BCAS3: variants seen among roughly 807,000 people sequenced by gnomAD.
The protein encoded by BCAS3 is BCAS4/BCAS3 fusion.
BCAS3 carries 53 observed loss-of-function variants against 116.1 expected under a neutral mutation model. The ratio of observed to expected loss-of-function variants is 0.46; its 90% CI spans 0.37 to 0.57. The LOEUF (loss-of-function observed/expected upper bound fraction) is 0.57. Ranked by LOEUF, BCAS3 falls within the 20% of genes least tolerant of loss-of-function variation. BCAS3 has a pLI of 0.00. For synonymous variants in BCAS3, 391 were observed against 408.2 expected, an observed-to-expected ratio of 0.96 and a Z score of 0.51; for missense variants, 917 against 1,165.4, an observed-to-expected ratio of 0.79 and a Z score of 3.10.
chr17:60,781,158 T>TG (rs1392889236), intron 6 of BCAS3, among the ~76,000 whole-genome samples: 2 of 151,406 alleles, frequency 1.3e-5, no homozygotes, highest in African/African-American at 2.4e-5. Flanking sequence ...TTAGTAGAGA[T>TG]GGGGTCTCAC....
Position 61,004,895 on chromosome 17 carries a change from T to C in BCAS3, c.1487-10856T>C, listed in dbSNP as rs1809968068. 6.6e-6 allele frequency among the ~76,000 whole-genome samples: 1 copy of C among 152,160 alleles called. No homozygotes were observed. The highest frequency in any genetic ancestry group is 2.4e-5 in the African/African-American group (1 of 41,450). ...TTTCTGTGTTAAGAGCCATCTCTAG[T>C]AAGGAATGCTTAATTAATGTTCAAT... On this transcript the variant is annotated intron_variant, in intron 15 of 23. Coordinates refer to ENST00000407086, the MANE Select transcript of BCAS3 (RefSeq NM_017679.5). This position sits in a 1 kb window ranked among gnomAD's most constrained non-coding sequence, Gnocchi z 4.8.
intron 14 of BCAS3, among the ~76,000 whole-genome samples, chr17:60,980,266 T>A (rs59098430): frequency 6.6e-6 from 1 of 152,078 alleles, no homozygotes; most frequent in Non-Finnish European, 1.5e-5. Context: ...GAAATTTGAG[T>A]GTTTCAGTTT....
At chr17:60,888,389 G>C (rs1452629683) in intron 9 of BCAS3, among the ~76,000 whole-genome samples, 1 of 151,964 alleles carries the variant, frequency 6.6e-6, no homozygotes, top group Non-Finnish European at 1.5e-5. Context: ...CAAGTACTTG[G>C]TTCTATTTTT....
In BCAS3 at chr17:61,188,670, A is replaced by C. The variant is rs778939627; in HGVS notation, c.2425+104106A>C. ...AAGTACAAGCGAGGAGAGGTCCTTC[A>C]GGCAACTGCTCAGAGTGCTGTGTCG... is the stretch of plus-strand genomic sequence containing the variant. On this transcript the variant is annotated intron_variant, in intron 22 of 23. Coordinates refer to ENST00000407086, the MANE Select transcript of BCAS3 (RefSeq NM_017679.5). This position sits in a 1 kb window ranked among gnomAD's most constrained non-coding sequence, Gnocchi z 4.0. Among the ~76,000 whole-genome samples, 8 of 152,244 alleles carry C rather than the reference A, an allele frequency of 5.3e-5. No individual in the cohort carries two copies. The highest frequency in any genetic ancestry group is 1.0e-4 in the Non-Finnish European group (7 of 68,046).
chr17:60,712,765 T>C (rs2038090011), intron 5 of BCAS3, among the ~76,000 whole-genome samples: 1 of 152,140 alleles, frequency 6.6e-6, no homozygotes, highest in African/African-American at 2.4e-5. Flanking sequence ...CCACATAAAA[T>C]ATGAGACTCA....
At position 61,082,052 on chromosome 17, in the gene BCAS3, A is replaced by G. The variant is rs1310890444; in HGVS notation, c.2328-2415A>G. 1.3e-5 allele frequency among the ~76,000 whole-genome samples: 2 copies of G among 152,110 alleles called. No individual in the cohort carries two copies. The highest frequency in any genetic ancestry group is 1.5e-5 in the Non-Finnish European group (1 of 68,014). ...GCAGGCATAGTGTTGACTCTCATCC[A>G]TAAGGGAATCAGGCAAGCTCCCTAC... On this transcript the variant is annotated intron_variant, in intron 21 of 23. Transcript: ENST00000407086. This position sits in a 1 kb window ranked among gnomAD's most constrained non-coding sequence, Gnocchi z 5.1.
In BCAS3 at chr17:60,720,179, C is replaced by T. The variant is rs952288824; in HGVS notation, c.321+10854C>T. ...TTTGAGACATAGTCTTGCTCTGTCA[C>T]CCAGGCTGGAGTGCAGTGGTGCAAT... On this transcript the variant is annotated intron_variant, in intron 5 of 23. Transcript: ENST00000407086. 1.1e-4 allele frequency: 17 copies of T among 152,172 alleles called. 1 individual carries two copies. Among genetic ancestry groups the T allele is most frequent in the African/African-American group, 3.6e-4 (15 of 41,418 alleles). The allele number at this position is 152,172 out of a possible 1,614,324, so 9.4% of individuals were successfully genotyped here.
chr17:61,329,843 C>T (rs1286251954), intron 22 of BCAS3, among the ~76,000 whole-genome samples: 1 of 152,076 alleles, frequency 6.6e-6, no homozygotes, highest in East Asian at 1.9e-4. Context: ...CCATGAAGAC[C>T]GCAAGACGCC....
chr17:61,155,770 A>G (rs1294456203), intron 22 of BCAS3, among the ~76,000 whole-genome samples: 1 of 152,240 alleles, frequency 6.6e-6, no homozygotes, highest in African/African-American at 2.4e-5. Flanking sequence ...TTGAGAACAA[A>G]TGTAAAAAAG....
rs2066399197 is a variant in BCAS3 at position 61,028,248 on chromosome 17, TAAAAC to T, written c.1638-6414_1638-6410del. Among the ~76,000 whole-genome samples, 1 of 151,802 alleles carries T rather than the reference TAAAAC, an allele frequency of 6.6e-6. No homozygotes were observed. Among genetic ancestry groups the T allele is most frequent in the Admixed American group, 6.6e-5 (1 of 15,220 alleles). ...TGTTATTGCTTAATAATAGGTGACA[TAAAAC>T]AAATCAACATAAAATTTTCCTCCTT... On this transcript the variant is annotated intron_variant, in intron 16 of 23. Coordinates refer to ENST00000407086, the MANE Select transcript of BCAS3 (RefSeq NM_017679.5). The surrounding 1 kb of genome is among the most constrained non-coding windows in gnomAD (Gnocchi z 4.3).
At chr17:60,719,225 T>G (rs1238358026) in intron 5 of BCAS3, among the ~76,000 whole-genome samples, 1 of 152,210 alleles carries the variant, frequency 6.6e-6, no homozygotes, top group East Asian at 1.9e-4. Flanking sequence ...CATAGACTGT[T>G]GCTGGTCCAT....
chr17:60,867,272 A>G (rs2054689116), intron 7 of BCAS3, among the ~76,000 whole-genome samples: 1 of 151,752 alleles, frequency 6.6e-6, no homozygotes, highest in Non-Finnish European at 1.5e-5. Context: ...TGCCCGGATA[A>G]TTTTTGTATT....
In BCAS3 at chr17:61,229,837, A is replaced by C. The variant is rs189642964; in HGVS notation, c.2426-138490A>C. 3.9e-5 allele frequency among the ~76,000 whole-genome samples: 6 copies of C among 152,332 alleles called. No individual in the cohort carries two copies. Among genetic ancestry groups the C allele is most frequent in the African/African-American group, 1.2e-4 (5 of 41,572 alleles). ...GGCTTTTATCTTCGAATTATAAGATAGTGTTGGCTGGGCGCGATGGCTTAC... is the reference window on the plus strand; with the variant it reads ...GGCTTTTATCTTCGAATTATAAGATCGTGTTGGCTGGGCGCGATGGCTTAC... On this transcript the variant is annotated intron_variant, in intron 22 of 23. Transcript: ENST00000407086. The surrounding 1 kb of genome is among the most constrained non-coding windows in gnomAD (Gnocchi z 4.4).
rs576761325 is a variant in BCAS3, at chr17:61,118,605, T to C, written c.2425+34041T>C. ...CAAGGGTGGAGTCTGGGCTCCCTAC[T>C]TGGCCTTTCCCACTGTGGGTGGTGG... On this transcript the variant is annotated intron_variant, in intron 22 of 23. Transcript: ENST00000407086. The surrounding 1 kb of genome is among the most constrained non-coding windows in gnomAD (Gnocchi z 5.0). 1.6e-4 allele frequency among the ~76,000 whole-genome samples: 25 copies of C among 152,326 alleles called. No individual in the cohort carries two copies. Among genetic ancestry groups the C allele is most frequent in the African/African-American group, 6.0e-4 (25 of 41,578 alleles).
At chr17:60,768,243 A>G (rs1454250342) in intron 6 of BCAS3, among the ~76,000 whole-genome samples, 1 of 152,156 alleles carries the variant, frequency 6.6e-6, no homozygotes, top group East Asian at 1.9e-4. Flanking sequence ...ACTTGATTGG[A>G]TTGAAGGATG....
Position 61,380,474 on chromosome 17 carries a change from C to T in BCAS3, c.2594-11503C>T, listed in dbSNP as rs750246927. 61 of 1,579,740 alleles carry T rather than the reference C, an allele frequency of 3.9e-5. No homozygotes were observed. The Middle Eastern group carries it at 5.0e-4, about 13-fold the overall frequency. On this transcript the variant is annotated intron_variant, in intron 23 of 23. Transcript: ENST00000407086. This position sits in a 1 kb window ranked among gnomAD's most constrained non-coding sequence, Gnocchi z 4.2. Reference sequence around the variant, plus strand: ...TCTCTTAAAGGTCCAGTTTGTGATCCGCTTTAAAGGAATATTTTATTTTCA... The same window carrying T: ...TCTCTTAAAGGTCCAGTTTGTGATCTGCTTTAAAGGAATATTTTATTTTCA...
rs769960123 is a variant in BCAS3 at position 60,747,219 on chromosome 17, C to A, written c.343C>A (p.Leu115Ile). The A allele has an allele frequency of 1.9e-6, 3 of 1,613,064 alleles. No individual in the cohort carries two copies. Among genetic ancestry groups the A allele is most frequent in the Admixed American group, 3.3e-5 (2 of 60,022 alleles). The change falls in exon 6 of 24, where the codon CTC (leucine) becomes ATC (isoleucine). Residue 115 changes from leucine to isoleucine, a missense_variant. Physicochemically the swap from Leu to Ile is conservative, Grantham distance 5. This residue lies in a region of BCAS3 where 807 missense variants were observed against 1,026.0 expected (regional missense o/e 0.79). Coordinates refer to ENST00000407086, the MANE Select transcript of BCAS3 (RefSeq NM_017679.5). ...GCAGATCAGTGGTGAAGCACAAGAG[C>A]TCTTCTCTGTTCGACATGGCCCAAT... The part of the protein sequence containing the change: ...SIPISGEAQE[L>I]FSVRHGPIRA...
At chr17:61,040,247 A>G (rs2067399184) in intron 18 of BCAS3, among the ~76,000 whole-genome samples, 1 of 152,202 alleles carries the variant, frequency 6.6e-6, no homozygotes, top group Non-Finnish European at 1.5e-5. Context: ...GATCTGATCA[A>G]TATCTGATTT....
rs2076879920 is a variant in BCAS3 at position 61,140,849 on chromosome 17, G to T, written c.2425+56285G>T. 6.6e-6 allele frequency among the ~76,000 whole-genome samples: 1 copy of T among 152,052 alleles called. No individual in the cohort carries two copies. Among genetic ancestry groups the T allele is most frequent in the African/African-American group, 2.4e-5 (1 of 41,400 alleles). ...GTAATGTAGTGGATTGATGGTACAT[G>T]ATTTAAGGGAAATCTTGTACTAATC... On this transcript the variant is annotated intron_variant, in intron 22 of 23. Transcript: ENST00000407086. This position sits in a 1 kb window ranked among gnomAD's most constrained non-coding sequence, Gnocchi z 4.2.
Sources: gnomAD v4.1 joint callset for allele counts (sites outside exome capture counted in the v4.1 genomes callset) on GRCh38, gnomAD v4.1.1 for gene constraint, gnomAD v4.1.1 regional missense constraint, Gnocchi (gnomAD v3.1) non-coding constraint, MANE v1.5 for transcripts, NCBI Gene and HGNC (gene_info 2026-07-23, HGNC 2026-07-21) for gene names.